Variants in PLXNA4 observed in about 807,000 individuals in gnomAD.
The protein encoded by PLXNA4 is plexin-A4.
Under a neutral mutation model 191.8 loss-of-function variants are expected in PLXNA4, and 44 were observed. The ratio of observed to expected loss-of-function variants is 0.23; its 90% CI spans 0.18 to 0.29. PLXNA4 has a LOEUF of 0.29. Ranked by LOEUF, PLXNA4 falls within the 10% of genes least tolerant of loss-of-function variation. The probability of loss-of-function intolerance (pLI) is 1.00; values close to 1 mark genes in which losing one functional copy is unlikely to be tolerated. For missense variants in PLXNA4, 1,800 were observed against 2,488.8 expected (o/e 0.72, Z 5.89); for synonymous variants, 1,082 against 1,009.5 (o/e 1.07, Z -1.36).
At chr7:132,289,952 G>A (rs34477318) in intron 4 of PLXNA4, among the ~76,000 whole-genome samples, 9,480 of 152,080 alleles carry the variant, frequency 0.062, 534 homozygotes, top group Admixed American at 0.19. Flanking sequence ...GGTGGCCCTC[G>A]CCACTTCACT....
At chr7:132,277,390 C>A (rs757629161) in intron 4 of PLXNA4, among the ~76,000 whole-genome samples, 8 of 152,216 alleles carry the variant, frequency 5.3e-5, no homozygotes, top group Non-Finnish European at 1.0e-4. Context: ...AACCACCATG[C>A]AGGTCCTGTG....
At chr7:132,539,121 A>C (rs114836585) in intron 1 of PLXNA4, among the ~76,000 whole-genome samples, 1,678 of 152,218 alleles carry the variant, frequency 0.011, 39 homozygotes, top group African/African-American at 0.039. Flanking sequence ...TATTGTGCCT[A>C]CTTAGGATCC....
At chr7:132,333,748 A>G (rs1331525371) in intron 3 of PLXNA4, among the ~76,000 whole-genome samples, 8 of 152,182 alleles carry the variant, frequency 5.3e-5, no homozygotes, top group East Asian at 3.9e-4. Context: ...GAGGAAAATC[A>G]GCTCCGGGCC....
chr7:132,482,986 C>T (rs776990109), intron 3 of PLXNA4, among the ~76,000 whole-genome samples: 17 of 152,090 alleles, frequency 1.1e-4, no homozygotes, highest in African/African-American at 2.7e-4. Flanking sequence ...CCACCGCGCC[C>T]GGCCGAGAGA....
At chr7:132,147,879 G>A (rs769044350) in intron 27 of PLXNA4, 21 bp downstream of exon 27, 2 of 1,613,700 alleles carry the variant, frequency 1.2e-6, no homozygotes, top group East Asian at 2.2e-5. Flanking sequence ...GGCCTCCCTA[G>A]GACACTCGGT....
chr7:132,180,782 C>T (rs189201851), intron 18 of PLXNA4, 50 bp from the exon 19 acceptor site: 2 of 1,584,324 alleles, frequency 1.3e-6, no homozygotes, highest in East Asian at 4.5e-5. Flanking sequence ...AGGACCACAG[C>T]TACCAGCTGG....
chr7:132,517,179 C>A (rs1585260004), intron 1 of PLXNA4, among the ~76,000 whole-genome samples: 1 of 152,166 alleles, frequency 6.6e-6, no homozygotes, highest in African/African-American at 2.4e-5. Context: ...ACATGCGCTT[C>A]CCTATGCGTG....
At chr7:132,606,542 G>A (rs1041992630) in intron 2 of PLXNA4, among the ~76,000 whole-genome samples, 2 of 152,166 alleles carry the variant, frequency 1.3e-5, no homozygotes, top group Admixed American at 6.5e-5. Context: ...AGTGTTTCTC[G>A]TAGGCTAAAT....
rs763484479 is a variant in PLXNA4 at position 132,185,249 on chromosome 7, A to G, written c.3158+50T>C. 9 of 1,557,998 alleles carry G rather than the reference A, an allele frequency of 5.8e-6. No homozygotes were observed. In the South Asian group the frequency reaches 1.1e-4, roughly 19 times the overall value. ...CTCCTTGGCTTTCAAGAGTCAGGGA[A>G]GGGAAACAGAGGTGCAGAAGCATTA... is the stretch of plus-strand genomic sequence containing the variant. On this transcript the variant is annotated intron_variant, in intron 16 of 31. Coordinates refer to ENST00000321063, the MANE Select transcript of PLXNA4 (RefSeq NM_020911.2).
chr7:132,508,605 G>A lies in PLXNA4; in HGVS notation c.89C>T (p.Pro30Leu), dbSNP rs1798582463. 6.2e-7 allele frequency: 1 copy of A among 1,612,892 alleles called. No homozygotes were observed. The highest frequency in any genetic ancestry group is 1.1e-5 in the South Asian group (1 of 90,922). The part of the protein sequence containing the change: ...MGSSTLLTRQ[P>L]APLSQKQRSF... Reference sequence around the variant, plus strand: ...CCGCTGCTTCTGGGACAGCGGGGCTGGCTGCCGGGTGAGCAAAGTGGAGGA... The same window carrying A: ...CCGCTGCTTCTGGGACAGCGGGGCTAGCTGCCGGGTGAGCAAAGTGGAGGA... The change falls in exon 2 of 32, where the codon CCA (proline) becomes CTA (leucine). Residue 30 changes from proline (P) to leucine (L), a missense_variant. By Grantham distance (98) the Pro-to-Leu change is moderately conservative (BLOSUM62 -3). Around this residue, in one of 6 missense-constraint regions of PLXNA4, gnomAD observed 1,397 missense variants for 1,880.4 expected, o/e 0.74. Transcript: ENST00000321063. The surrounding 1 kb of genome is among the most constrained non-coding windows in gnomAD (Gnocchi z 4.4).
intron 1 of PLXNA4, among the ~76,000 whole-genome samples, chr7:132,529,173 C>T (rs951534827): frequency 1.3e-5 from 2 of 152,178 alleles, no homozygotes; most frequent in Non-Finnish European, 2.9e-5. Flanking sequence ...CCTGGAAGGC[C>T]CTACCTGGCA....
intron 15 of PLXNA4, among the ~76,000 whole-genome samples, chr7:132,187,208 CTA>C (rs1266153913): frequency 6.6e-6 from 1 of 152,172 alleles, no homozygotes; most frequent in East Asian, 1.9e-4. Flanking sequence ...TAAAAAAACC[CTA>C]GTCTCCAAAT....
At chr7:132,639,941 T>C (rs1214594859) in intron 2 of PLXNA4, among the ~76,000 whole-genome samples, 2 of 152,250 alleles carry the variant, frequency 1.3e-5, no homozygotes, top group Admixed American at 6.5e-5. Context: ...GTAAGAACAC[T>C]GTCCAGGTTC....
chr7:132,233,843 A>G (rs1020870807), intron 5 of PLXNA4, among the ~76,000 whole-genome samples: 1 of 152,234 alleles, frequency 6.6e-6, no homozygotes, highest in Admixed American at 6.5e-5. Flanking sequence ...CATGCTTTGA[A>G]TGAACAATCT....
chr7:132,593,776 C>T (rs1436430847), intron 2 of PLXNA4, among the ~76,000 whole-genome samples: 1 of 152,216 alleles, frequency 6.6e-6, no homozygotes, highest in Non-Finnish European at 1.5e-5. Flanking sequence ...CAAGTGCTGC[C>T]TGCCATGGAA....
At chr7:132,547,203 C>T (rs1003669717) in intron 1 of PLXNA4, among the ~76,000 whole-genome samples, 1 of 152,130 alleles carries the variant, frequency 6.6e-6, no homozygotes, top group Non-Finnish European at 1.5e-5. Flanking sequence ...CTGATGCTGA[C>T]CACTTCACAC....
intron 3 of PLXNA4, among the ~76,000 whole-genome samples, chr7:132,343,472 C>T (rs1332052464): frequency 6.6e-6 from 1 of 152,202 alleles, no homozygotes; most frequent in East Asian, 1.9e-4. Flanking sequence ...TCCAATGGAG[C>T]ATTTCATAAT....
chr7:132,239,028 G>C (rs966258937), intron 5 of PLXNA4, among the ~76,000 whole-genome samples: 2 of 152,190 alleles, frequency 1.3e-5, no homozygotes, highest in African/African-American at 4.8e-5. Context: ...TCTGCACTTG[G>C]GGGCAGGCGC....
chr7:132,385,889 A>T (rs192462611), intron 3 of PLXNA4, among the ~76,000 whole-genome samples: 2 of 152,214 alleles, frequency 1.3e-5, no homozygotes, highest in African/African-American at 4.8e-5. Context: ...TATCCACTCA[A>T]TTAAATCTGA....
Sources: gnomAD v4.1 joint callset for allele counts (sites outside exome capture counted in the v4.1 genomes callset) on GRCh38, gnomAD v4.1.1 for gene constraint, gnomAD v4.1.1 regional missense constraint, Gnocchi (gnomAD v3.1) non-coding constraint, MANE v1.5 for transcripts, NCBI Gene and HGNC (gene_info 2026-07-23, HGNC 2026-07-21) for gene names.